TBX15: variants seen among roughly 807,000 people sequenced by gnomAD.
The protein encoded by TBX15 is T-box transcription factor TBX15.
Under a neutral mutation model 53.9 loss-of-function variants are expected in TBX15, and 18 were observed. The ratio of observed to expected loss-of-function variants is 0.33; its 90% CI spans 0.23 to 0.49. TBX15 has a LOEUF of 0.49. Among genes scored for constraint, TBX15 ranks in the 20% least tolerant of loss-of-function variants. The pLI, the probability that TBX15 is intolerant of heterozygous loss-of-function variation, is 0.98. For synonymous variants in TBX15, 295 were observed against 278.0 expected, an observed-to-expected ratio of 1.06 and a Z score of -0.61; for missense variants, 692 against 749.5, an observed-to-expected ratio of 0.92 and a Z score of 0.90.
chr1:118,893,388 A>G (rs892209485), intron 7 of TBX15, among the ~76,000 whole-genome samples: 3 of 139,988 alleles, frequency 2.1e-5, no homozygotes, highest in African/African-American at 8.9e-5. Flanking sequence ...AAAGAAAGAA[A>G]GAAAGAAAGA....
At chr1:118,985,661 C>A (rs1255685268) in intron 1 of TBX15, among the ~76,000 whole-genome samples, 1 of 152,218 alleles carries the variant, frequency 6.6e-6, no homozygotes, top group Non-Finnish European at 1.5e-5. Context: ...GACACTTGCC[C>A]CACAAATATA....
Position 118,956,705 on chromosome 1 carries a change from C to T in TBX15, c.206-24873G>A, listed in dbSNP as rs567370674. On this transcript the variant is annotated intron_variant, in intron 1 of 7. Transcript: ENST00000369429. ...CAGTGGCTCATGCCTGTAATCCCAGCACTTTGGGAGGCCGAAGTGGGAAGA... is the reference window on the plus strand; with the variant it reads ...CAGTGGCTCATGCCTGTAATCCCAGTACTTTGGGAGGCCGAAGTGGGAAGA... Among the ~76,000 whole-genome samples the T allele has an allele frequency of 2.9e-4, 44 of 152,156 alleles. No homozygotes were observed. In the South Asian group the frequency reaches 5.6e-3, roughly 19 times the overall value.
chr1:118,987,574 G>C lies in TBX15; in HGVS notation c.205+17C>G. The C allele has an allele frequency of 6.5e-7, 1 of 1,538,536 alleles. No individual in the cohort carries two copies. Among genetic ancestry groups the C allele is most frequent in the Non-Finnish European group, 8.7e-7 (1 of 1,143,104 alleles). On this transcript the variant is annotated intron_variant, in intron 1 of 7. Transcript: ENST00000369429. ...CCCTCTCCGCCCGCCTCCCGCGGTC[G>C]GCTGCGACGCACTCACCCGGGTGAG...
intron 6 of TBX15, among the ~76,000 whole-genome samples, chr1:118,910,066 G>A (rs918607323): frequency 9.9e-5 from 15 of 152,132 alleles, no homozygotes; most frequent in Admixed American, 6.5e-4. Context: ...GGAGAGTGTT[G>A]TGGGTGGCTG....
chr1:118,901,618 G>C (rs1654632768), intron 6 of TBX15, among the ~76,000 whole-genome samples: 1 of 152,194 alleles, frequency 6.6e-6, no homozygotes, highest in African/African-American at 2.4e-5. Flanking sequence ...GAACTGAGTT[G>C]TAAAATCACA....
chr1:118,909,118 G>A (rs1472009637), intron 6 of TBX15, among the ~76,000 whole-genome samples: 1 of 152,212 alleles, frequency 6.6e-6, no homozygotes, highest in Non-Finnish European at 1.5e-5. Context: ...TGGCACCACA[G>A]GACTGAAATG....
At chr1:118,978,512 T>C (rs1329527056) in intron 1 of TBX15, among the ~76,000 whole-genome samples, 1 of 152,154 alleles carries the variant, frequency 6.6e-6, no homozygotes, top group Non-Finnish European at 1.5e-5. Context: ...ATTTTGAAAC[T>C]TTTTTTCAAC....
chr1:118,960,067 GAAA>G (rs80283449), intron 1 of TBX15, among the ~76,000 whole-genome samples: 3 of 107,062 alleles, frequency 2.8e-5, no homozygotes, highest in African/African-American at 1.0e-4. Flanking sequence ...AAGAGAAAGA[GAAA>G]AAAAAAAAAA....
intron 1 of TBX15, among the ~76,000 whole-genome samples, chr1:118,968,294 A>C (rs1657120591): frequency 6.6e-6 from 1 of 152,090 alleles, no homozygotes; most frequent in Non-Finnish European, 1.5e-5. Context: ...GGCTCACTGC[A>C]ACCTCCATCT....
chr1:118,974,937 GAA>G (rs1657375836), intron 1 of TBX15, among the ~76,000 whole-genome samples: 1 of 152,250 alleles, frequency 6.6e-6, no homozygotes, highest in South Asian at 2.1e-4. Flanking sequence ...TACTGAGTTT[GAA>G]AAAAGTCAAC....
chr1:118,937,569 T>C (rs1301324263), intron 1 of TBX15, among the ~76,000 whole-genome samples: 1 of 152,212 alleles, frequency 6.6e-6, no homozygotes, highest in African/African-American at 2.4e-5. Context: ...CTGGTTTCTA[T>C]GTGAAATGTG....
At chr1:118,972,629 A>G (rs1369905879) in intron 1 of TBX15, among the ~76,000 whole-genome samples, 1 of 151,582 alleles carries the variant, frequency 6.6e-6, no homozygotes, top group African/African-American at 2.4e-5. Context: ...ATGGAGTCTC[A>G]CTCTTTTCAT....
chr1:118,886,924 AGGTG>A (rs1653963792), intron 7 of TBX15, among the ~76,000 whole-genome samples: 1 of 152,202 alleles, frequency 6.6e-6, no homozygotes, highest in Non-Finnish European at 1.5e-5. Context: ...AGAGCTAGAC[AGGTG>A]GATGATGCAC....
At chr1:118,984,008 T>C (rs1224761581) in intron 1 of TBX15, among the ~76,000 whole-genome samples, 1 of 152,276 alleles carries the variant, frequency 6.6e-6, no homozygotes, top group Non-Finnish European at 1.5e-5. Flanking sequence ...AATTAAAATC[T>C]CTGAGTTTTA....
At chr1:118,894,642 G>C (rs957390050) in intron 7 of TBX15, among the ~76,000 whole-genome samples, 1 of 151,472 alleles carries the variant, frequency 6.6e-6, no homozygotes, top group Non-Finnish European at 1.5e-5. Flanking sequence ...ACAGATTTAA[G>C]AACTTAGTAA....
In TBX15 at chr1:118,987,716, T is replaced by C; in HGVS notation, c.80A>G (p.Asn27Ser). Residue 27 changes from asparagine (N) to serine (S), a missense_variant, in exon 1 of 8, where the codon AAT (asparagine) becomes AGT (serine). Around this residue, in one of 3 missense-constraint regions of TBX15, gnomAD observed 307 missense variants for 347.5 expected, o/e 0.88. Transcript: ENST00000369429. ...AFSVEALIGS[N>S]KKRKLRDWEE... ...CCAGTCTCGCAGTTTCCGTTTTTTA[T>C]TTGAGCCGATCAAGGCTTCAACGGA... 1 of 1,550,428 alleles carries C rather than the reference T, an allele frequency of 6.4e-7. No individual in the cohort carries two copies. The highest frequency in any genetic ancestry group is 8.7e-7 in the Non-Finnish European group (1 of 1,146,870).
intron 1 of TBX15, among the ~76,000 whole-genome samples, chr1:118,941,246 C>T (rs1235061202): frequency 6.6e-6 from 1 of 152,182 alleles, no homozygotes; most frequent in African/African-American, 2.4e-5. Flanking sequence ...AAAGGCCTTA[C>T]AAGCATTTGC....
chr1:118,955,336 G>A (rs191512850), intron 1 of TBX15, among the ~76,000 whole-genome samples: 2 of 152,188 alleles, frequency 1.3e-5, no homozygotes, highest in East Asian at 3.9e-4. Flanking sequence ...ACCACCCAAG[G>A]TTATAAGATT....
At position 118,976,626 on chromosome 1, in the gene TBX15, G is replaced by A. The variant is rs559711901; in HGVS notation, c.205+10965C>T. Among the ~76,000 whole-genome samples the A allele has an allele frequency of 2.6e-5, 4 of 152,254 alleles. No homozygotes were observed. The South Asian group carries it at 6.2e-4, about 24-fold the overall frequency. On this transcript the variant is annotated intron_variant, in intron 1 of 7. Transcript: ENST00000369429. Reference sequence around the variant, plus strand: ...TGGTAAGGCTGAGTCTCCTCAGCCCGGCTTCTGCTCACCCCCTCTTCCTAC... The same window carrying A: ...TGGTAAGGCTGAGTCTCCTCAGCCCAGCTTCTGCTCACCCCCTCTTCCTAC...
Sources: gnomAD v4.1 joint callset for allele counts (sites outside exome capture counted in the v4.1 genomes callset) on GRCh38, gnomAD v4.1.1 for gene constraint, gnomAD v4.1.1 regional missense constraint, MANE v1.5 for transcripts, NCBI Gene and HGNC (gene_info 2026-07-23, HGNC 2026-07-21) for gene names.